IMPG2: variants seen among roughly 807,000 people sequenced by gnomAD.
IMPG2 encodes interphotoreceptor matrix proteoglycan 2.
In IMPG2, 91 loss-of-function variants were observed where a neutral mutation model predicts 129.2. The observed-to-expected ratio is 0.70, with a 90% CI of 0.59 to 0.84. The LOEUF is 0.84. Ranked by LOEUF, IMPG2 falls within the 40% of genes least tolerant of loss-of-function variation. The pLI, the probability that IMPG2 is intolerant of heterozygous loss-of-function variation, is 0.00. For missense variants in IMPG2, 1,430 were observed against 1,461.7 expected, an observed-to-expected ratio of 0.98 and a Z score of 0.35; for synonymous variants, 510 against 517.7, an observed-to-expected ratio of 0.99 and a Z score of 0.20.
chr3:101,235,882 G>A (rs1440594458), intron 14 of IMPG2, among the ~76,000 whole-genome samples: 18 of 151,580 alleles, frequency 1.2e-4, no homozygotes, highest in African/African-American at 3.6e-4. Context: ...TGGAAAGACA[G>A]CTTTATGGCC....
intron 2 of IMPG2, among the ~76,000 whole-genome samples, chr3:101,304,533 G>C (rs1473321376): frequency 6.6e-6 from 1 of 152,132 alleles, no homozygotes; most frequent in Non-Finnish European, 1.5e-5. Context: ...CTTACAAAGA[G>C]AATTGATTCA....
intron 2 of IMPG2, 125 bp from the exon 3 acceptor site, chr3:101,304,437 A>G (rs1707168314): frequency 1.2e-6 from 1 of 860,012 alleles, no homozygotes; most frequent in Non-Finnish European, 1.9e-6. Context: ...GGATGTAGGA[A>G]TGATTCTCAG....
At chr3:101,313,218 G>T (rs2058764655) in intron 2 of IMPG2, among the ~76,000 whole-genome samples, 1 of 152,002 alleles carries the variant, frequency 6.6e-6, no homozygotes, top group Non-Finnish European at 1.5e-5. Flanking sequence ...AACTAACTTG[G>T]AATAACAGGA....
At chr3:101,273,483 C>T in intron 7 of IMPG2, 98 bp downstream of exon 7, 1 of 1,324,280 alleles carries the variant, frequency 7.6e-7, no homozygotes, top group African/African-American at 1.5e-5. Context: ...AGTAGACAAA[C>T]AATTTGAAAC....
chr3:101,316,203 A>G (rs2058783038), intron 2 of IMPG2, among the ~76,000 whole-genome samples: 1 of 152,056 alleles, frequency 6.6e-6, no homozygotes, highest in Admixed American at 6.6e-5. Context: ...ATCTTGGGTT[A>G]GCAAACTAAG....
intron 6 of IMPG2, 60 bp downstream of exon 6, chr3:101,275,601 ACT>A: frequency 8.1e-7 from 1 of 1,239,944 alleles, no homozygotes; most frequent in Non-Finnish European, 1.2e-6. Flanking sequence ...TGGGAGATAA[ACT>A]CTCTCTTAAT....
At chr3:101,302,544 T>G (rs1337243659) in intron 3 of IMPG2, among the ~76,000 whole-genome samples, 1 of 152,182 alleles carries the variant, frequency 6.6e-6, no homozygotes, top group Non-Finnish European at 1.5e-5. Context: ...GGATTTAAGC[T>G]CCATCATATC....
At chr3:101,235,717 T>C (rs577988728) in intron 14 of IMPG2, among the ~76,000 whole-genome samples, 4 of 152,260 alleles carry the variant, frequency 2.6e-5, no homozygotes, top group African/African-American at 4.8e-5. Context: ...AATGATTCTA[T>C]TGGGGAAACA....
chr3:101,311,044 G>C (rs1707259078), intron 2 of IMPG2, among the ~76,000 whole-genome samples: 1 of 151,850 alleles, frequency 6.6e-6, no homozygotes, highest in African/African-American at 2.4e-5. Context: ...GAAGAGTGAG[G>C]GGCTACACAG....
At chr3:101,287,695 TA>T (rs999871839) in intron 4 of IMPG2, among the ~76,000 whole-genome samples, 1 of 151,740 alleles carries the variant, frequency 6.6e-6, no homozygotes, top group African/African-American at 2.4e-5. Flanking sequence ...ATATGTAGAA[TA>T]AAAAAAACTG....
At chr3:101,235,418 T>C (rs1034742512) in intron 14 of IMPG2, among the ~76,000 whole-genome samples, 13 of 152,330 alleles carry the variant, frequency 8.5e-5, no homozygotes, top group Middle Eastern at 6.8e-3. Flanking sequence ...ACTATACATG[T>C]AGTAAAATGA....
chr3:101,251,235 T>C (rs1250341282), intron 11 of IMPG2, among the ~76,000 whole-genome samples: 1 of 152,222 alleles, frequency 6.6e-6, no homozygotes, highest in Non-Finnish European at 1.5e-5. Flanking sequence ...CATTTCAGTA[T>C]ATCTGTAAAC....
rs190835005 is a variant in IMPG2, at chr3:101,251,591, C to T, written c.1239+2105G>A. On this transcript the variant is annotated intron_variant, in intron 11 of 18. Transcript: ENST00000193391. ...TATTGGCCAGTTTCATTTCTGCTAC[C>T]GCCAATTGAAAAGTTTGTTAGTCCT... Among the ~76,000 whole-genome samples the T allele has an allele frequency of 1.9e-4, 29 of 152,182 alleles. 1 individual carries two copies. The highest frequency in any genetic ancestry group is 1.5e-4 in the Non-Finnish European group (10 of 68,010).
chr3:101,256,710 A>T (rs72930592), intron 10 of IMPG2, among the ~76,000 whole-genome samples: 3,302 of 152,224 alleles, frequency 0.022, 115 homozygotes, highest in African/African-American at 0.076. Flanking sequence ...GCCTCACATG[A>T]AGATTTTCCT....
chr3:101,226,699 C>A lies in IMPG2; in HGVS notation c.*270G>T. On this transcript the variant is annotated 3_prime_UTR_variant, in exon 19 of 19. Transcript: ENST00000193391. ...CTGCAGCCCTAAATCCTAGGTCCAG[C>A]TTTTTCTTATAGAATACTTTCCAGA... 2.4e-6 allele frequency: 1 copy of A among 418,656 alleles called. No homozygotes were observed. The highest frequency in any genetic ancestry group is 4.2e-6 in the Non-Finnish European group (1 of 236,116). The allele number at this position is 418,656 out of a possible 1,614,324, so 25.9% of individuals were successfully genotyped here.
intron 14 of IMPG2, 93 bp downstream of exon 14, chr3:101,242,595 G>C: frequency 1.1e-6 from 1 of 935,774 alleles, no homozygotes; most frequent in Non-Finnish European, 1.8e-6. Context: ...TTTCCTGCAA[G>C]TATTGGATTC....
At chr3:101,279,838 T>C (rs1479945897) in intron 4 of IMPG2, among the ~76,000 whole-genome samples, 1 of 152,200 alleles carries the variant, frequency 6.6e-6, no homozygotes, top group Non-Finnish European at 1.5e-5. Context: ...AGGAAACTCT[T>C]AGTAATTTAA....
intron 10 of IMPG2, among the ~76,000 whole-genome samples, chr3:101,256,208 AG>A (rs1559646451): frequency 8.6e-5 from 13 of 150,868 alleles, no homozygotes; most frequent in African/African-American, 3.2e-4. Flanking sequence ...AAAGAAAGAA[AG>A]AAAGAAAGAA....
In IMPG2 at chr3:101,225,725, T is replaced by A. The variant is rs1183964601; in HGVS notation, c.*1244A>T. On this transcript the variant is annotated 3_prime_UTR_variant, in exon 19 of 19. Coordinates refer to ENST00000193391, the MANE Select transcript of IMPG2 (RefSeq NM_016247.4). ...TAGCATAAAGTATCTGCATTAATAA[T>A]AACCTATTGCATATGCAATTTAATA... The A allele has an allele frequency of 6.6e-6, 1 of 152,152 alleles. No individual in the cohort carries two copies. Among genetic ancestry groups the A allele is most frequent in the Non-Finnish European group, 1.5e-5 (1 of 68,034 alleles). The allele number at this position is 152,152 out of a possible 1,614,324, so 9.4% of individuals were successfully genotyped here. A position where few individuals can be genotyped will look rare whatever the true frequency, so the allele number is the denominator to read the frequency against.
Sources: gnomAD v4.1 joint callset for allele counts (sites outside exome capture counted in the v4.1 genomes callset) on GRCh38, gnomAD v4.1.1 for gene constraint, MANE v1.5 for transcripts, NCBI Gene and HGNC (gene_info 2026-07-23, HGNC 2026-07-21) for gene names.